Variants in PTPRM observed in about 807,000 individuals in gnomAD.
PTPRM encodes protein tyrosine phosphatase receptor type M.
Under a neutral mutation model 186.7 loss-of-function variants are expected in PTPRM, and 47 were observed. The ratio of observed to expected loss-of-function variants is 0.25; its 90% CI spans 0.20 to 0.32. PTPRM has a LOEUF of 0.32. PTPRM is among the 10% of genes least tolerant of loss of function. The pLI is 1.00. For missense variants in PTPRM, 1,494 were observed against 1,865.0 expected, an observed-to-expected ratio of 0.80 and a Z score of 3.66; for synonymous variants, 668 against 674.9, an observed-to-expected ratio of 0.99 and a Z score of 0.16.
chr18:7,833,112 G>A (rs1387811610), intron 2 of PTPRM, among the ~76,000 whole-genome samples: 2 of 152,006 alleles, frequency 1.3e-5, no homozygotes, highest in African/African-American at 4.8e-5. Flanking sequence ...GGTCTTTTGG[G>A]GTTCCATATA....
chr18:8,259,255 A>G (rs2094603935), intron 19 of PTPRM, among the ~76,000 whole-genome samples: 1 of 152,070 alleles, frequency 6.6e-6, no homozygotes, highest in Non-Finnish European at 1.5e-5. Flanking sequence ...GGCCCCACCT[A>G]CTTTTCTTAT....
intron 1 of PTPRM, among the ~76,000 whole-genome samples, chr18:7,738,807 G>A (rs1406474892): frequency 6.6e-6 from 1 of 152,086 alleles, no homozygotes; most frequent in Non-Finnish European, 1.5e-5. Flanking sequence ...GATAAGAATT[G>A]GGCCCTTTCT....
chr18:7,999,458 C>T (rs1440009906), intron 7 of PTPRM, among the ~76,000 whole-genome samples: 1 of 151,858 alleles, frequency 6.6e-6, no homozygotes, highest in Non-Finnish European at 1.5e-5. Context: ...TGGGGTGAGT[C>T]CTTTGAGAAA....
chr18:7,901,018 A>G (rs1014213333), intron 3 of PTPRM, among the ~76,000 whole-genome samples: 3 of 152,086 alleles, frequency 2.0e-5, no homozygotes, highest in African/African-American at 7.2e-5. Flanking sequence ...TCCTTTTCCA[A>G]TGGTACTGTT....
At chr18:7,896,546 C>G (rs1242228937) in intron 3 of PTPRM, among the ~76,000 whole-genome samples, 1 of 152,124 alleles carries the variant, frequency 6.6e-6, no homozygotes, top group Non-Finnish European at 1.5e-5. Flanking sequence ...ATCTCCTTCC[C>G]CCATGGGTCT....
At chr18:8,093,315 T>A (rs1374138281) in intron 11 of PTPRM, among the ~76,000 whole-genome samples, 1 of 151,884 alleles carries the variant, frequency 6.6e-6, no homozygotes, top group Non-Finnish European at 1.5e-5. Context: ...ATTTAACACT[T>A]CAAACCATGC....
At chr18:8,064,972 T>C (rs2088947024) in intron 7 of PTPRM, among the ~76,000 whole-genome samples, 1 of 152,192 alleles carries the variant, frequency 6.6e-6, no homozygotes, top group African/African-American at 2.4e-5. Context: ...GGGCCCACCA[T>C]GCCATTCTGG....
At chr18:8,023,567 C>T (rs545223457) in intron 7 of PTPRM, among the ~76,000 whole-genome samples, 2 of 152,240 alleles carry the variant, frequency 1.3e-5, no homozygotes, top group Middle Eastern at 3.4e-3. Context: ...AAGTTCATTG[C>T]AGCCAATTGG....
At chr18:7,932,879 G>A (rs1385559074) in intron 5 of PTPRM, among the ~76,000 whole-genome samples, 5 of 152,156 alleles carry the variant, frequency 3.3e-5, no homozygotes, top group Non-Finnish European at 5.9e-5. Context: ...CCTCTTATCC[G>A]AGATTTTCAC....
At chr18:8,030,083 C>T (rs2085862936) in intron 7 of PTPRM, among the ~76,000 whole-genome samples, 1 of 152,180 alleles carries the variant, frequency 6.6e-6, no homozygotes, top group East Asian at 1.9e-4. Flanking sequence ...GCACACAAGT[C>T]GATGCCAATC....
intron 31 of PTPRM, among the ~76,000 whole-genome samples, chr18:8,389,059 C>G (rs1021923034): frequency 6.6e-6 from 1 of 152,208 alleles, no homozygotes. Flanking sequence ...CAGATCCAAC[C>G]TCTGATCAGA....
intron 5 of PTPRM, among the ~76,000 whole-genome samples, chr18:7,933,278 T>C (rs1376753855): frequency 6.6e-6 from 1 of 151,816 alleles, no homozygotes; most frequent in Non-Finnish European, 1.5e-5. Context: ...GTGCTCAACC[T>C]AATAAGGAAA....
intron 2 of PTPRM, among the ~76,000 whole-genome samples, chr18:7,834,505 C>CAT (rs2045933011): frequency 7.0e-6 from 1 of 143,782 alleles, no homozygotes. Context: ...CACACACACA[C>CAT]ACACACACAC....
intron 2 of PTPRM, among the ~76,000 whole-genome samples, chr18:7,776,335 A>G (rs1238307111): frequency 2.0e-5 from 3 of 152,052 alleles, no homozygotes; most frequent in Non-Finnish European, 2.9e-5. Flanking sequence ...TGGACCTGAG[A>G]GTGGTTTAGG....
At chr18:8,309,100 G>A (rs1430971102) in intron 20 of PTPRM, among the ~76,000 whole-genome samples, 2 of 152,134 alleles carry the variant, frequency 1.3e-5, no homozygotes, top group African/African-American at 4.8e-5. Flanking sequence ...TTCTGTTGAT[G>A]GACATTTGGA....
At chr18:7,986,335 T>C (rs1314693776) in intron 7 of PTPRM, among the ~76,000 whole-genome samples, 9 of 152,226 alleles carry the variant, frequency 5.9e-5, no homozygotes, top group Admixed American at 5.9e-4. Flanking sequence ...TTTATGTACC[T>C]GGTCACTTAG....
intron 2 of PTPRM, among the ~76,000 whole-genome samples, chr18:7,887,477 T>C (rs2048846598): frequency 6.6e-6 from 1 of 152,154 alleles, no homozygotes; most frequent in African/African-American, 2.4e-5. Context: ...GGAGGTGGGG[T>C]ACTGGTGCTG....
At chr18:7,689,684 G>C (rs2144636254) in intron 1 of PTPRM, among the ~76,000 whole-genome samples, 1 of 152,196 alleles carries the variant, frequency 6.6e-6, no homozygotes, top group East Asian at 1.9e-4. Context: ...ATGAGCTATT[G>C]AAAAAATAAG....
intron 2 of PTPRM, among the ~76,000 whole-genome samples, chr18:7,812,786 TGGGTCTG>T (rs1270071748): frequency 2.0e-5 from 3 of 152,022 alleles, no homozygotes; most frequent in Non-Finnish European, 4.4e-5. Flanking sequence ...ATGGAGAAAT[TGGGTCTG>T]GATGGTCTAG....
Sources: gnomAD v4.1 joint callset for allele counts (sites outside exome capture counted in the v4.1 genomes callset) on GRCh38, gnomAD v4.1.1 for gene constraint, MANE v1.5 for transcripts, NCBI Gene and HGNC (gene_info 2026-07-23, HGNC 2026-07-21) for gene names.